Variants in GARIN2 observed in about 807,000 individuals in gnomAD.
The protein encoded by GARIN2 is golgi associated RAB2 interactor family member 2, also known as Golgi-associated RAB2 interactor protein 2.
the GARIN2 span, among the ~76,000 whole-genome samples, chr14:67,191,497 T>G: frequency 2.0e-5 from 3 of 152,210 alleles, no homozygotes; most frequent in Non-Finnish European, 2.9e-5. Flanking sequence ...GCTTTTCAGA[T>G]TCCCACTCTC....
chr14:67,203,746 A>C, the GARIN2 span, among the ~76,000 whole-genome samples: 1 of 152,088 alleles, frequency 6.6e-6, no homozygotes, highest in Non-Finnish European at 1.5e-5. Context: ...GGAGTCTTGC[A>C]CTGTCACCCA....
the GARIN2 span, among the ~76,000 whole-genome samples, chr14:67,210,651 T>A: frequency 6.6e-6 from 1 of 151,992 alleles, no homozygotes; most frequent in Admixed American, 6.6e-5. Context: ...TGATTACACA[T>A]ATAATTGTAA....
the GARIN2 span, chr14:67,189,788 A>G: frequency 1.4e-5 from 2 of 147,342 alleles, no homozygotes; most frequent in Non-Finnish European, 3.0e-5. Context: ...AAATAATTTC[A>G]TTGAGAGTTT....
chr14:67,224,685 C>A, the GARIN2 span: 1 of 313,584 alleles, frequency 3.2e-6, no homozygotes, highest in Non-Finnish European at 6.2e-6. Context: ...GATATTTTTT[C>A]CAAGATGAAA....
At chr14:67,204,419 G>A in the GARIN2 span, 1 of 1,356,378 alleles carries the variant, frequency 7.4e-7, no homozygotes, top group Non-Finnish European at 9.6e-7. Context: ...TCCAACGTGG[G>A]CAACAGAGTG....
At chr14:67,194,529 A>G in the GARIN2 span, among the ~76,000 whole-genome samples, 1 of 152,028 alleles carries the variant, frequency 6.6e-6, no homozygotes, top group Admixed American at 6.6e-5. Context: ...CCCCCAAGAC[A>G]GAGTTTTGCT....
At chr14:67,200,974 C>G in the GARIN2 span, among the ~76,000 whole-genome samples, 2 of 152,144 alleles carry the variant, frequency 1.3e-5, no homozygotes, top group Non-Finnish European at 2.9e-5. Context: ...TACCAAGATT[C>G]CTGACTGAAC....
the GARIN2 span, chr14:67,221,664 A>C: frequency 6.7e-7 from 1 of 1,498,056 alleles, no homozygotes; most frequent in Non-Finnish European, 9.0e-7. Context: ...AACGTGTTTC[A>C]TTACTACCCA....
chr14:67,219,737 A>T, the GARIN2 span, among the ~76,000 whole-genome samples: 1 of 152,196 alleles, frequency 6.6e-6, no homozygotes, highest in Admixed American at 6.5e-5. Flanking sequence ...GAGAATTAAC[A>T]AATCTCAAAT....
At chr14:67,222,836 C>G in the GARIN2 span, among the ~76,000 whole-genome samples, 1 of 151,820 alleles carries the variant, frequency 6.6e-6, no homozygotes, top group Non-Finnish European at 1.5e-5. Context: ...GAACATTTAA[C>G]TTGGCATAAG....
the GARIN2 span, chr14:67,208,106 G>A: frequency 2.2e-5 from 34 of 1,522,366 alleles, no homozygotes; most frequent in East Asian, 5.4e-4. Context: ...CAGTGACGAT[G>A]AATGAAATGG....
the GARIN2 span, among the ~76,000 whole-genome samples, chr14:67,207,223 CT>C: frequency 6.6e-6 from 1 of 151,908 alleles, no homozygotes; most frequent in Non-Finnish European, 1.5e-5. Flanking sequence ...GCTCATGGGT[CT>C]GTAGGTGGTA....
the GARIN2 span, chr14:67,199,432 G>T: frequency 4.3e-6 from 7 of 1,612,966 alleles, no homozygotes; most frequent in South Asian, 1.1e-5. Context: ...GCGCCTTTGG[G>T]GTCATCTTAC....
chr14:67,194,970 G>A, the GARIN2 span, among the ~76,000 whole-genome samples: 2 of 152,128 alleles, frequency 1.3e-5, no homozygotes, highest in East Asian at 3.9e-4. Flanking sequence ...GCCTCAAAGT[G>A]CTAAGATTAC....
the GARIN2 span, among the ~76,000 whole-genome samples, chr14:67,194,513 T>A: frequency 6.6e-6 from 1 of 152,104 alleles, no homozygotes; most frequent in Admixed American, 6.6e-5. Flanking sequence ...CTAAACTATT[T>A]TTTTTCCCCC....
the GARIN2 span, among the ~76,000 whole-genome samples, chr14:67,215,551 G>T: frequency 6.6e-6 from 1 of 151,844 alleles, no homozygotes; most frequent in Non-Finnish European, 1.5e-5. Flanking sequence ...TGAGAGTAAA[G>T]TAGGAAGAGA....
At chr14:67,226,507 C>T in the GARIN2 span, among the ~76,000 whole-genome samples, 1 of 152,346 alleles carries the variant, frequency 6.6e-6, no homozygotes, top group African/African-American at 2.4e-5. Flanking sequence ...ACTACAGGTG[C>T]ACACCATCAC....
the GARIN2 span, chr14:67,203,006 C>A: frequency 7.4e-7 from 1 of 1,354,630 alleles, no homozygotes; most frequent in Non-Finnish European, 1.0e-6. Flanking sequence ...CCTTTATTTC[C>A]TACCCTCTCT....
chr14:67,199,589 G>A, the GARIN2 span: 1 of 1,594,474 alleles, frequency 6.3e-7, no homozygotes, highest in South Asian at 1.1e-5. Context: ...CGTATCTTAT[G>A]CCTTCGAGAA....
Sources: gnomAD v4.1 joint callset for allele counts (sites outside exome capture counted in the v4.1 genomes callset) on GRCh38, gnomAD v4.1.1 for gene constraint, MANE v1.5 for transcripts, NCBI Gene and HGNC (gene_info 2026-07-23, HGNC 2026-07-21) for gene names.